The following PHYHIPL variants were observed in gnomAD, a reference collection of about 807,000 sequenced individuals.
PHYHIPL encodes phytanoyl-CoA hydroxylase-interacting protein-like.
In PHYHIPL, 9 loss-of-function variants were observed where a neutral mutation model predicts 33.4. The ratio of observed to expected loss-of-function variants is 0.27; its 90% CI spans 0.16 to 0.47. The LOEUF is 0.47. Among genes scored for constraint, PHYHIPL ranks in the 20% least tolerant of loss-of-function variants. The pLI, the probability that PHYHIPL is intolerant of heterozygous loss-of-function variation, is 0.99. For missense variants in PHYHIPL, 365 were observed against 460.7 expected (o/e 0.79, Z 1.90); for synonymous variants, 153 against 154.1 (o/e 0.99, Z 0.05).
At chr10:59,238,550 C>T (rs1290828226) in intron 3 of PHYHIPL, 38 bp from the exon 4 acceptor site, 1 of 1,187,812 alleles carries the variant, frequency 8.4e-7, no homozygotes, top group African/African-American at 1.5e-5. Context: ...ACTTTTGGTG[C>T]AATATTTTTA....
chr10:59,208,485 G>T (rs1420526346), intron 1 of PHYHIPL, among the ~76,000 whole-genome samples: 1 of 152,078 alleles, frequency 6.6e-6, no homozygotes, highest in African/African-American at 2.4e-5. Flanking sequence ...GCGCAAAAAG[G>T]CTGAAAGTTC....
In PHYHIPL at chr10:59,247,717, C is replaced by T. The variant is rs2133331141; in HGVS notation, c.*2126C>T. ...ATAATACTCATCTGCCATTGGTATC[C>T]TATCTTCCTTTTGTGGACTTCTGCA... On this transcript the variant is annotated 3_prime_UTR_variant, in exon 5 of 5. Coordinates refer to ENST00000373880, the MANE Select transcript of PHYHIPL (RefSeq NM_032439.4). The T allele has an allele frequency of 6.2e-7, 1 of 1,612,078 alleles. No homozygotes were observed. Among genetic ancestry groups the T allele is most frequent in the Non-Finnish European group, 8.5e-7 (1 of 1,179,034 alleles).
At chr10:59,231,874 C>T (rs777273591) in intron 1 of PHYHIPL, among the ~76,000 whole-genome samples, 88 of 151,958 alleles carry the variant, frequency 5.8e-4, no homozygotes, top group African/African-American at 2.0e-3. Flanking sequence ...ACACTTCGAT[C>T]GTATGCAGTA....
chr10:59,199,444 G>GT (rs1250777633), intron 1 of PHYHIPL, among the ~76,000 whole-genome samples: 2 of 152,156 alleles, frequency 1.3e-5, no homozygotes, highest in East Asian at 3.9e-4. Context: ...GTACCTTGCT[G>GT]TTTTTGTTAC....
chr10:59,183,451 C>T (rs1838470205), intron 1 of PHYHIPL, among the ~76,000 whole-genome samples: 1 of 152,026 alleles, frequency 6.6e-6, no homozygotes, highest in African/African-American at 2.4e-5. Flanking sequence ...GAGAATTGCT[C>T]ATAGAAACAT....
chr10:59,231,376 G>A (rs1840074784), intron 1 of PHYHIPL, among the ~76,000 whole-genome samples: 1 of 151,996 alleles, frequency 6.6e-6, no homozygotes, highest in South Asian at 2.1e-4. Flanking sequence ...TGGTGATTCA[G>A]AAGGCTAAAA....
chr10:59,231,796 A>C (rs1351921402), intron 1 of PHYHIPL, among the ~76,000 whole-genome samples: 4 of 152,150 alleles, frequency 2.6e-5, no homozygotes, highest in African/African-American at 9.6e-5. Context: ...TGGAACATTC[A>C]CAAAAATAAA....
At chr10:59,209,065 G>A (rs1275924077) in intron 1 of PHYHIPL, among the ~76,000 whole-genome samples, 1 of 151,918 alleles carries the variant, frequency 6.6e-6, no homozygotes, top group Non-Finnish European at 1.5e-5. Flanking sequence ...TCAAATTCAG[G>A]AAATACAGAG....
intron 4 of PHYHIPL, among the ~76,000 whole-genome samples, chr10:59,242,696 A>T (rs1840444876): frequency 6.6e-6 from 1 of 152,200 alleles, no homozygotes; most frequent in Non-Finnish European, 1.5e-5. Flanking sequence ...GAAGCAGCAA[A>T]GAAATAGAAG....
chr10:59,229,884 A>C (rs1254630602), intron 1 of PHYHIPL, among the ~76,000 whole-genome samples: 1 of 152,166 alleles, frequency 6.6e-6, no homozygotes, highest in Non-Finnish European at 1.5e-5. Context: ...AGTCTTGTTT[A>C]CCTATTAAGT....
At chr10:59,177,539 C>A in intron 1 of PHYHIPL, 2 of 1,551,714 alleles carry the variant, frequency 1.3e-6, no homozygotes, top group Non-Finnish European at 1.7e-6. Context: ...CAGACACAAT[C>A]TTCATGGTTC....
intron 1 of PHYHIPL, among the ~76,000 whole-genome samples, chr10:59,207,036 A>C (rs933017738): frequency 2.0e-5 from 3 of 152,228 alleles, no homozygotes; most frequent in Non-Finnish European, 4.4e-5. Flanking sequence ...CTTTCAGTTA[A>C]AGCAGAATCT....
intron 1 of PHYHIPL, among the ~76,000 whole-genome samples, chr10:59,232,127 C>T (rs1224406156): frequency 1.3e-5 from 2 of 151,968 alleles, no homozygotes; most frequent in African/African-American, 4.8e-5. Context: ...CGCATGTTCT[C>T]ACTCATAGGT....
chr10:59,202,114 G>C (rs1839136665), intron 1 of PHYHIPL, among the ~76,000 whole-genome samples: 1 of 152,128 alleles, frequency 6.6e-6, no homozygotes, highest in Non-Finnish European at 1.5e-5. Flanking sequence ...AGTGACTGGG[G>C]TTAGGGTAAG....
At chr10:59,186,050 T>G (rs1332975620) in intron 1 of PHYHIPL, among the ~76,000 whole-genome samples, 1 of 152,234 alleles carries the variant, frequency 6.6e-6, no homozygotes, top group African/African-American at 2.4e-5. Context: ...CATGCCTATG[T>G]CCTGAATGGT....
chr10:59,210,141 C>G (rs1839402211), intron 1 of PHYHIPL, among the ~76,000 whole-genome samples: 1 of 151,872 alleles, frequency 6.6e-6, no homozygotes, highest in Admixed American at 6.6e-5. Flanking sequence ...AGTGAACAGG[C>G]AACCTACAGA....
chr10:59,244,142 G>A (rs1840526765), intron 4 of PHYHIPL, among the ~76,000 whole-genome samples: 1 of 152,118 alleles, frequency 6.6e-6, no homozygotes, highest in Non-Finnish European at 1.5e-5. Context: ...CTGAATGCTA[G>A]AGTCCCAGGT....
rs189405151 is a variant in PHYHIPL at position 59,186,365 on chromosome 10, G to A, written c.106+9406G>A. ...CCAGTACCATGCTGTTTTGGTTACC[G>A]TAGCCTTGTAGTATAGTTTGAAGTC... On this transcript the variant is annotated intron_variant, in intron 1 of 4. Coordinates refer to ENST00000373880, the MANE Select transcript of PHYHIPL (RefSeq NM_032439.4). Among the ~76,000 whole-genome samples the A allele has an allele frequency of 8.5e-4, 129 of 152,286 alleles. 1 individual carries two copies. The highest frequency in any genetic ancestry group is 2.0e-3 in the Admixed American group (30 of 15,296).
intron 1 of PHYHIPL, among the ~76,000 whole-genome samples, chr10:59,187,395 A>G (rs970789033): frequency 3.9e-5 from 6 of 152,178 alleles, no homozygotes; most frequent in African/African-American, 1.2e-4. Flanking sequence ...TTTTGCATCA[A>G]TGTTCATCAA....
Sources: gnomAD v4.1 joint callset for allele counts (sites outside exome capture counted in the v4.1 genomes callset) on GRCh38, gnomAD v4.1.1 for gene constraint, MANE v1.5 for transcripts, NCBI Gene and HGNC (gene_info 2026-07-23, HGNC 2026-07-21) for gene names.